The following CEP83 variants were observed in gnomAD, a reference collection of about 807,000 sequenced individuals.
The protein encoded by CEP83 is centrosomal protein 83.
CEP83 carries 70 observed loss-of-function variants against 101.9 expected under a neutral mutation model. The ratio of observed to expected loss-of-function variants is 0.69; its 90% CI spans 0.57 to 0.84. The LOEUF (loss-of-function observed/expected upper bound fraction) is 0.84, where lower values mean the gene tolerates loss of function less well. CEP83 is among the 40% of genes least tolerant of loss of function. The probability of loss-of-function intolerance (pLI) is 0.00; values close to 1 mark genes in which losing one functional copy is unlikely to be tolerated. For synonymous variants in CEP83, 264 were observed against 267.9 expected (o/e 0.99, Z 0.14); for missense variants, 715 against 787.2 (o/e 0.91, Z 1.10).
Position 94,310,027 on chromosome 12 carries a change from C to T in CEP83, c.1892G>A (p.Ser631Asn). The T allele has an allele frequency of 6.2e-7, 1 of 1,609,824 alleles. No homozygotes were observed. The highest frequency in any genetic ancestry group is 2.2e-5 in the East Asian group (1 of 44,826). Residue 631 changes from serine (S) to asparagine (N), a missense_variant, in exon 16 of 17, where the codon AGT becomes AAT. Ser to Asn is a conservative substitution (Grantham distance 46, BLOSUM62 1). Coordinates refer to ENST00000397809, the MANE Select transcript of CEP83 (RefSeq NM_016122.3). ...AGGCATGTTAGGAACCAAAATTAGA[C>T]TTCGAAATTCATTATGTCTTCTCTG... The part of the protein sequence containing the change: ...DIQRRHNEFR[S>N]LILVPNMPPT...
At chr12:94,268,806 C>T in the CEP83 span, among the ~76,000 whole-genome samples, 1 of 152,022 alleles carries the variant, frequency 6.6e-6, no homozygotes, top group East Asian at 1.9e-4. Flanking sequence ...TGTTGGCTAG[C>T]CTGGTCTTGA....
chr12:94,352,119 G>T (rs190965075), intron 11 of CEP83, among the ~76,000 whole-genome samples: 251 of 152,214 alleles, frequency 1.6e-3, no homozygotes, highest in African/African-American at 5.9e-3. Flanking sequence ...ATAACATAGG[G>T]ACACAAGAAA....
downstream of CEP83, chr12:94,305,282 G>A (rs372684506): frequency 1.0e-4 from 161 of 1,597,612 alleles, no homozygotes; most frequent in Admixed American, 2.6e-3. Flanking sequence ...GCAAGTGGAT[G>A]TAAGCACTCT....
downstream of CEP83, among the ~76,000 whole-genome samples, chr12:94,303,058 G>A (rs531571899): frequency 6.6e-6 from 1 of 152,186 alleles, no homozygotes; most frequent in African/African-American, 2.4e-5. Context: ...TATCTTCCCT[G>A]AGTAGAATTT....
chr12:94,307,600 C>A (rs887911660), downstream of CEP83: 2 of 151,674 alleles, frequency 1.3e-5, no homozygotes, highest in Admixed American at 6.6e-5. Context: ...TTATTGTATA[C>A]CTGATTGAAG....
intron 12 of CEP83, among the ~76,000 whole-genome samples, chr12:94,334,708 C>T (rs1325472881): frequency 6.6e-6 from 1 of 152,126 alleles, no homozygotes; most frequent in Non-Finnish European, 1.5e-5. Flanking sequence ...GTCCACAGAG[C>T]AATTTTTAGC....
In CEP83 at chr12:94,452,424, T is replaced by C. The variant is rs1594163541; in HGVS notation, c.-155+7133A>G. ...AAACTTTGGAAAATTTGTTGATAGT[T>C]GTAGTAATCAAGGCTGAGTTCAAAG... On this transcript the variant is annotated intron_variant, in intron 1 of 16. Coordinates refer to ENST00000397809, the MANE Select transcript of CEP83 (RefSeq NM_016122.3). 2.0e-5 allele frequency among the ~76,000 whole-genome samples: 3 copies of C among 152,252 alleles called. No individual in the cohort carries two copies. The South Asian group carries it at 6.2e-4, about 32-fold the overall frequency.
At chr12:94,279,610 G>C in the CEP83 span, 1 of 1,614,238 alleles carries the variant, frequency 6.2e-7, no homozygotes, top group Non-Finnish European at 8.5e-7. Flanking sequence ...AAGCAAAAAT[G>C]GCTCTCCTTA....
intron 11 of CEP83, among the ~76,000 whole-genome samples, chr12:94,349,363 C>G (rs560110550): frequency 1.3e-5 from 2 of 151,284 alleles, no homozygotes; most frequent in South Asian, 4.2e-4. Context: ...AAACTTATTT[C>G]TCATTGGCAA....
intron 14 of CEP83, among the ~76,000 whole-genome samples, chr12:94,313,892 G>T (rs2136304583): frequency 6.6e-6 from 1 of 152,224 alleles, no homozygotes; most frequent in Non-Finnish European, 1.5e-5. Flanking sequence ...ACGTTTGTAA[G>T]TTATAAAGTA....
the CEP83 span, among the ~76,000 whole-genome samples, chr12:94,268,588 C>CTTT: frequency 0.021 from 1,935 of 90,806 alleles, 124 homozygotes; most frequent in African/African-American, 0.083. Context: ...AGAATAAGAC[C>CTTT]TTTTTTTTTT....
chr12:94,426,116 C>T (rs1373047659), intron 2 of CEP83, among the ~76,000 whole-genome samples: 4 of 148,912 alleles, frequency 2.7e-5, no homozygotes, highest in Admixed American at 1.3e-4. Flanking sequence ...AGCGAAACTC[C>T]GTCTCAAAAA....
At chr12:94,271,442 C>A in the CEP83 span, among the ~76,000 whole-genome samples, 2 of 152,180 alleles carry the variant, frequency 1.3e-5, no homozygotes, top group Non-Finnish European at 1.5e-5. Context: ...TCCTCAATAC[C>A]CAAAACCACC....
chr12:94,297,206 G>T, the CEP83 span: 1 of 1,614,030 alleles, frequency 6.2e-7, no homozygotes, highest in Non-Finnish European at 8.5e-7. Context: ...GTACTCGGAT[G>T]ACCACTGCCA....
chr12:94,368,071 T>C lies in CEP83; in HGVS notation c.1179A>G (p.Val393=). The C allele has an allele frequency of 1.2e-6, 2 of 1,612,986 alleles. No individual in the cohort carries two copies. Among genetic ancestry groups the C allele is most frequent in the Non-Finnish European group, 1.7e-6 (2 of 1,179,506 alleles). The change falls in exon 10 of 17, where the codon GTA becomes GTG. Residue 393 remains valine (V), a synonymous_variant. Coordinates refer to ENST00000397809, the MANE Select transcript of CEP83 (RefSeq NM_016122.3). The part of the protein sequence containing the change: ...AKEEGYQKLV[V]LQDEKLELEN... ...TAAGTACTTACTTTTCATCTTGTAA[T>C]ACCACAAGTTTTTGATAACCTTCTT...
the CEP83 span, among the ~76,000 whole-genome samples, chr12:94,295,036 T>A: frequency 6.6e-6 from 1 of 152,300 alleles, no homozygotes; most frequent in South Asian, 2.1e-4. Context: ...GGAAAGTCAA[T>A]AGGCTGGTCT....
chr12:94,450,400 C>T (rs145965473), intron 1 of CEP83, among the ~76,000 whole-genome samples: 8,699 of 152,102 alleles, frequency 0.057, 277 homozygotes, highest in Non-Finnish European at 0.071. Flanking sequence ...TACAGGTGCC[C>T]GCCACCACTC....
At chr12:94,333,749 G>A in intron 12 of CEP83, 110 bp from the exon 13 acceptor site, 3 of 1,006,052 alleles carry the variant, frequency 3.0e-6, no homozygotes, top group South Asian at 1.5e-5. Flanking sequence ...CCCTCAAGCT[G>A]GTGTGTCCTT....
the CEP83 span, among the ~76,000 whole-genome samples, chr12:94,296,098 CCTGTA>C: frequency 1.3e-5 from 2 of 152,170 alleles, no homozygotes; most frequent in African/African-American, 4.8e-5. Context: ...TCTTTTCTCA[CCTGTA>C]CTTTCTTTTC....
Sources: allele counts gnomAD v4.1 joint callset (sites outside exome capture counted in the v4.1 genomes callset), GRCh38; gene constraint gnomAD v4.1.1; transcripts MANE v1.5; gene names NCBI Gene and HGNC (gene_info 2026-07-23, HGNC 2026-07-21).